Variants in SLC45A1 observed in about 807,000 individuals in gnomAD.
SLC45A1 encodes proton-associated sugar transporter A.
SLC45A1 carries 28 observed loss-of-function variants against 57.6 expected under a neutral mutation model. The ratio of observed to expected loss-of-function variants is 0.49; its 90% CI spans 0.36 to 0.67. The LOEUF is 0.67. SLC45A1 is among the 30% of genes least tolerant of loss of function. The pLI, the probability that SLC45A1 is intolerant of heterozygous loss-of-function variation, is 0.00. For missense variants in SLC45A1, 814 were observed against 1,041.5 expected, an observed-to-expected ratio of 0.78 and a Z score of 3.01; for synonymous variants, 459 against 471.5, an observed-to-expected ratio of 0.97 and a Z score of 0.34.
At position 8,326,166 on chromosome 1, in the gene SLC45A1, GA is replaced by G; in HGVS notation, c.715+127del. On this transcript the variant is annotated intron_variant, in intron 4 of 8. Transcript: ENST00000471889. The surrounding 1 kb of genome is among the most constrained non-coding windows in gnomAD (Gnocchi z 5.5). ...AGCTGGGAGAATTCCAATACATGGA[GA>G]AACACTGAAGTGATTGAAAATACAT... The G allele has an allele frequency of 1.4e-6, 1 of 709,518 alleles. No homozygotes were observed. 44.0% of individuals were successfully genotyped at this position (709,518 alleles called of 1,614,324 possible).
Position 8,328,427 on chromosome 1 carries a change from T to C in SLC45A1, c.716-1782T>C, listed in dbSNP as rs976525662. ...GCGCTGCTGTGGGCGAGGGAACTTC[T>C]AAAGGGGCCATGCCGGGCGAGTGCT... On this transcript the variant is annotated intron_variant, in intron 4 of 8. Transcript: ENST00000471889. This position sits in a 1 kb window ranked among gnomAD's most constrained non-coding sequence, Gnocchi z 4.6. Among the ~76,000 whole-genome samples, 2 of 152,152 alleles carry C rather than the reference T, an allele frequency of 1.3e-5. No homozygotes were observed. The highest frequency in any genetic ancestry group is 2.9e-5 in the Non-Finnish European group (2 of 68,014).
At chr1:8,333,702 T>G (rs1640496331) in intron 5 of SLC45A1, among the ~76,000 whole-genome samples, 1 of 152,254 alleles carries the variant, frequency 6.6e-6, no homozygotes, top group African/African-American at 2.4e-5. Context: ...TTCAAGGTGC[T>G]GGGATTCCAG....
intron 8 of SLC45A1, among the ~76,000 whole-genome samples, chr1:8,341,740 T>C (rs1252461528): frequency 6.8e-6 from 1 of 146,712 alleles, no homozygotes; most frequent in Non-Finnish European, 1.5e-5. Flanking sequence ...CTGGCCAACA[T>C]GACGAAACCA....
intron 5 of SLC45A1, 128 bp downstream of exon 5, chr1:8,331,064 G>A: frequency 1.6e-6 from 2 of 1,262,730 alleles, no homozygotes; most frequent in Non-Finnish European, 2.1e-6. Flanking sequence ...GTGTTATCAA[G>A]TGCTTTGACC....
chr1:8,329,770 T>C (rs1439748967), intron 4 of SLC45A1, among the ~76,000 whole-genome samples: 6 of 152,220 alleles, frequency 3.9e-5, no homozygotes, highest in Non-Finnish European at 8.8e-5. Flanking sequence ...CCTCATGGTG[T>C]TCTGTGCATG....
Position 8,327,564 on chromosome 1 carries a change from C to G in SLC45A1, c.715+1522C>G, listed in dbSNP as rs191896547. 2.4e-4 allele frequency among the ~76,000 whole-genome samples: 37 copies of G among 152,228 alleles called. No homozygotes were observed. Among genetic ancestry groups the G allele is most frequent in the Admixed American group, 9.2e-4 (14 of 15,286 alleles). ...TGGCTCAGGCCTACTCTCAACACTT[C>G]GGGAGGCTAAGCCAGGAGGATTGCT... On this transcript the variant is annotated intron_variant, in intron 4 of 8. Transcript: ENST00000471889. This position sits in a 1 kb window ranked among gnomAD's most constrained non-coding sequence, Gnocchi z 4.3.
chr1:8,342,452 G>A (rs1461695981), intron 8 of SLC45A1, among the ~76,000 whole-genome samples: 2 of 152,122 alleles, frequency 1.3e-5, no homozygotes, highest in African/African-American at 2.4e-5. Context: ...CCCAGGCCTA[G>A]GTGACCGCTA....
Position 8,335,794 on chromosome 1 carries a change from A to G in SLC45A1, c.1597+204A>G, listed in dbSNP as rs768301374. Reference sequence around the variant, plus strand: ...AGGGTGCCTGCCCTGCATAGCCCCAAACTAAACCAGGTGTCACCATTGAGA... The same window carrying G: ...AGGGTGCCTGCCCTGCATAGCCCCAGACTAAACCAGGTGTCACCATTGAGA... On this transcript the variant is annotated intron_variant, in intron 6 of 8. Coordinates refer to ENST00000471889, the MANE Select transcript of SLC45A1 (RefSeq NM_001080397.3). This position sits in a 1 kb window ranked among gnomAD's most constrained non-coding sequence, Gnocchi z 4.1. Among the ~76,000 whole-genome samples the G allele has an allele frequency of 6.6e-6, 1 of 152,076 alleles. No homozygotes were observed. Among genetic ancestry groups the G allele is most frequent in the African/African-American group, 2.4e-5 (1 of 41,424 alleles).
intron 1 of SLC45A1, among the ~76,000 whole-genome samples, chr1:8,320,734 C>CACACACTT (rs1553149616): frequency 2.5e-4 from 38 of 149,542 alleles, no homozygotes; most frequent in African/African-American, 9.2e-4. Flanking sequence ...CACACACACA[C>CACACACTT]CTGCCATATG....
chr1:8,327,242 A>G lies in SLC45A1; in HGVS notation c.715+1200A>G, dbSNP rs1640232977. Among the ~76,000 whole-genome samples, 1 of 151,324 alleles carries G rather than the reference A, an allele frequency of 6.6e-6. No homozygotes were observed. Among genetic ancestry groups the G allele is most frequent in the East Asian group, 1.9e-4 (1 of 5,156 alleles). Reference sequence around the variant, plus strand: ...ATTGAGTGTGTGTGCATGGACACACACACGACTATATCCATACCATGCATA... The same window carrying G: ...ATTGAGTGTGTGTGCATGGACACACGCACGACTATATCCATACCATGCATA... On this transcript the variant is annotated intron_variant, in intron 4 of 8. Transcript: ENST00000471889. This position sits in a 1 kb window ranked among gnomAD's most constrained non-coding sequence, Gnocchi z 4.3.
At chr1:8,338,088 A>G (rs1351289124) in intron 7 of SLC45A1, 96 bp downstream of exon 7, 1 of 1,151,036 alleles carries the variant, frequency 8.7e-7, no homozygotes, top group Non-Finnish European at 1.2e-6. Flanking sequence ...TTACGATTGC[A>G]GACACCACAT....
chr1:8,326,124 C>A lies in SLC45A1; in HGVS notation c.715+82C>A. 2.8e-6 allele frequency: 3 copies of A among 1,059,746 alleles called. No homozygotes were observed. The highest frequency in any genetic ancestry group is 2.8e-5 in the South Asian group (2 of 71,430). The allele number at this position is 1,059,746 out of a possible 1,614,324, so 65.6% of individuals were successfully genotyped here. A position where few individuals can be genotyped will look rare whatever the true frequency, so the allele number is the denominator to read the frequency against. ...GTGGCTTTCGAGGCCCTTCCTCACT[C>A]CCTGATTTAACAAAGAAGCTGGGAG... On this transcript the variant is annotated intron_variant, in intron 4 of 8. Transcript: ENST00000471889. This position sits in a 1 kb window ranked among gnomAD's most constrained non-coding sequence, Gnocchi z 5.5.
At position 8,335,315 on chromosome 1, in the gene SLC45A1, A is replaced by AAGAC; in HGVS notation, c.1444-117_1444-114dup. 1 of 970,520 alleles carries AAGAC rather than the reference A, an allele frequency of 1.0e-6. No homozygotes were observed. Among genetic ancestry groups the AAGAC allele is most frequent in the Non-Finnish European group, 1.5e-6 (1 of 687,146 alleles). 60.1% of individuals were successfully genotyped at this position (970,520 alleles called of 1,614,324 possible). On this transcript the variant is annotated intron_variant, in intron 5 of 8. Coordinates refer to ENST00000471889, the MANE Select transcript of SLC45A1 (RefSeq NM_001080397.3). The surrounding 1 kb of genome is among the most constrained non-coding windows in gnomAD (Gnocchi z 4.1). ...CACGGGGCTCATGCCGTCAGATAAG[A>AAGAC]AGACAGACCCTTGCAGCCTCCGTGC...
Position 8,330,043 on chromosome 1 carries a change from G to C in SLC45A1, c.716-166G>C, listed in dbSNP as rs892061324. Reference sequence around the variant, plus strand: ...GGAGGGGGACCTCCTCAAGGGGCCCGCCCTGGGAATCCTGTCCCATTTTGT... The same window carrying C: ...GGAGGGGGACCTCCTCAAGGGGCCCCCCCTGGGAATCCTGTCCCATTTTGT... On this transcript the variant is annotated intron_variant, in intron 4 of 8. Transcript: ENST00000471889. The surrounding 1 kb of genome is among the most constrained non-coding windows in gnomAD (Gnocchi z 8.4). 3.5e-6 allele frequency: 3 copies of C among 853,158 alleles called. No homozygotes were observed. The highest frequency in any genetic ancestry group is 3.6e-6 in the Non-Finnish European group (2 of 557,070). 52.8% of individuals were successfully genotyped at this position (853,158 alleles called of 1,614,324 possible).
At chr1:8,324,029 A>C (rs1363763813) in intron 1 of SLC45A1, among the ~76,000 whole-genome samples, 1 of 152,066 alleles carries the variant, frequency 6.6e-6, no homozygotes, top group African/African-American at 2.4e-5. Context: ...GACAGTCCTG[A>C]CCGAGCCTCT....
At chr1:8,338,100 C>A in intron 7 of SLC45A1, 108 bp downstream of exon 7, 1 of 1,029,538 alleles carries the variant, frequency 9.7e-7, no homozygotes, top group Non-Finnish European at 1.4e-6. Context: ...ACACCACATC[C>A]CAATTTGGGG....
chr1:8,337,298 TTCAATTAGCTC>T (rs1436773134), intron 6 of SLC45A1, among the ~76,000 whole-genome samples: 1 of 152,256 alleles, frequency 6.6e-6, no homozygotes, highest in Non-Finnish European at 1.5e-5. Flanking sequence ...AACCCCATGA[TTCAATTAGCTC>T]TCACGGGGTC....
In SLC45A1 at chr1:8,330,735, G is replaced by C; in HGVS notation, c.1242G>C (p.Gln414His). Reference protein sequence around the residue: ...FPRAPDGFYRQDRGLLEGREG... With the variant: ...FPRAPDGFYRHDRGLLEGREG... ...GGGCCCCCGACGGCTTCTACCGCCA[G>C]GACCGTGGACTTCTGGAGGGCAGAG... Residue 414 changes from glutamine (Q) to histidine (H), a missense_variant, in exon 5 of 9, where the codon CAG becomes CAC. Gln to His is a conservative substitution (Grantham distance 24, BLOSUM62 0). Transcript: ENST00000471889. The surrounding 1 kb of genome is among the most constrained non-coding windows in gnomAD (Gnocchi z 8.4). The C allele has an allele frequency of 6.2e-7, 1 of 1,613,304 alleles. No individual in the cohort carries two copies.
rs573629575 is a variant in SLC45A1, at chr1:8,336,022, C to T, written c.1597+432C>T. ...GTCTATTGCTGTTTGTAAATTCACA[C>T]GGCTCGGCCTTTGTATGAGCATTGA... On this transcript the variant is annotated intron_variant, in intron 6 of 8. Transcript: ENST00000471889. 181 of 170,856 alleles carry T rather than the reference C, an allele frequency of 1.1e-3. 1 individual carries two copies. The highest frequency in any genetic ancestry group is 2.0e-3 in the Non-Finnish European group (161 of 80,882). The allele number at this position is 170,856 out of a possible 1,614,324, so 10.6% of individuals were successfully genotyped here.
Sources: gnomAD v4.1 joint callset for allele counts (sites outside exome capture counted in the v4.1 genomes callset) on GRCh38, gnomAD v4.1.1 for gene constraint, Gnocchi (gnomAD v3.1) non-coding constraint, MANE v1.5 for transcripts, NCBI Gene and HGNC (gene_info 2026-07-23, HGNC 2026-07-21) for gene names.